The following CDH13 variants were observed in gnomAD, a reference collection of about 807,000 sequenced individuals.
CDH13 encodes the protein cadherin 13.
A neutral mutation model predicts 63.8 loss-of-function variants in CDH13; 24 were observed. That is an observed-to-expected ratio of 0.38 (90% CI 0.27 to 0.53). CDH13 has a LOEUF of 0.53. CDH13 is among the 20% of genes least tolerant of loss of function. The pLI is 0.85. For missense variants in CDH13, 1,049 were observed against 903.1 expected, an observed-to-expected ratio of 1.16 and a Z score of -2.07; for synonymous variants, 503 against 355.3, an observed-to-expected ratio of 1.42 and a Z score of -4.67.
chr16:82,681,102 A>C lies in CDH13; in HGVS notation c.45+53965A>C, dbSNP rs992801234. 8.5e-5 allele frequency among the ~76,000 whole-genome samples: 13 copies of C among 152,230 alleles called. 1 individual carries two copies. Among genetic ancestry groups the C allele is most frequent in the African/African-American group, 3.1e-4 (13 of 41,474 alleles). On this transcript the variant is annotated intron_variant, in intron 1 of 13. Coordinates refer to ENST00000567109, the MANE Select transcript of CDH13 (RefSeq NM_001257.5). ...GCCCAGCACTATCAGCAATCTGCAA[A>C]AAGATATTCTTGGGAAGACTCTGGT...
intron 7 of CDH13, among the ~76,000 whole-genome samples, chr16:83,507,165 C>G (rs1173190112): frequency 6.6e-6 from 1 of 152,212 alleles, no homozygotes; most frequent in Admixed American, 6.5e-5. Context: ...TTGCATGACT[C>G]AATCCCTCTT....
Position 82,644,326 on chromosome 16 carries a change from C to T in CDH13, c.45+17189C>T, listed in dbSNP as rs528701017. On this transcript the variant is annotated intron_variant, in intron 1 of 13. Coordinates refer to ENST00000567109, the MANE Select transcript of CDH13 (RefSeq NM_001257.5). The surrounding 1 kb of genome is among the most constrained non-coding windows in gnomAD (Gnocchi z 5.7). ...CAAATCAAGGCCCCCCGAACTCCTC[C>T]CACCCCTGCCTTCTGCGTCTCCCTC... Among the ~76,000 whole-genome samples the T allele has an allele frequency of 6.6e-6, 1 of 152,182 alleles. No individual in the cohort carries two copies. Among genetic ancestry groups the T allele is most frequent in the Non-Finnish European group, 1.5e-5 (1 of 68,004 alleles).
chr16:82,663,246 G>A (rs1430758492), intron 1 of CDH13, among the ~76,000 whole-genome samples: 1 of 152,166 alleles, frequency 6.6e-6, no homozygotes, highest in Non-Finnish European at 1.5e-5. Context: ...GAGTGCAATG[G>A]CGCGATCTCG....
chr16:83,687,573 T>C (rs1904435415), intron 10 of CDH13, among the ~76,000 whole-genome samples: 1 of 152,226 alleles, frequency 6.6e-6, no homozygotes, highest in Non-Finnish European at 1.5e-5. Flanking sequence ...TTGGAGATTA[T>C]ATTTCAGTAT....
chr16:83,365,517 T>C lies in CDH13; in HGVS notation c.781+20511T>C, dbSNP rs2091242743. ...AATCATCCAACTGTTGTAGGCCAAA[T>C]GTTGGCCCCATGATCTCCACCTCCT... On this transcript the variant is annotated intron_variant, in intron 6 of 13. Coordinates refer to ENST00000567109, the MANE Select transcript of CDH13 (RefSeq NM_001257.5). 3.3e-5 allele frequency among the ~76,000 whole-genome samples: 5 copies of C among 152,170 alleles called. No individual in the cohort carries two copies. The South Asian group carries it at 1.0e-3, about 32-fold the overall frequency.
At chr16:83,737,518 T>G (rs186895277) in intron 10 of CDH13, among the ~76,000 whole-genome samples, 2,154 of 152,280 alleles carry the variant, frequency 0.014, 40 homozygotes, top group African/African-American at 0.046. Flanking sequence ...TCTTTTTTTT[T>G]TGGGAAATAT....
intron 1 of CDH13, among the ~76,000 whole-genome samples, chr16:82,669,530 G>T (rs1034395918): frequency 8.5e-5 from 13 of 152,084 alleles, no homozygotes; most frequent in Admixed American, 8.5e-4. Context: ...CCAGTCCTTG[G>T]AATTAATTTG....
chr16:83,767,640 C>T (rs548536094), intron 11 of CDH13, among the ~76,000 whole-genome samples: 89 of 152,270 alleles, frequency 5.8e-4, no homozygotes, highest in African/African-American at 2.1e-3. Flanking sequence ...CATGGTCTAT[C>T]CATACAATGG....
chr16:83,426,600 G>A lies in CDH13; in HGVS notation c.782-59877G>A, dbSNP rs148587415. On this transcript the variant is annotated intron_variant, in intron 6 of 13. Transcript: ENST00000567109. The stretch of plus-strand genomic sequence containing the variant: ...GCCTCCTGGACTGAACAGTCTAGAA[G>A]AGGGATCCAACATGGACTGGAAGAG... Among the ~76,000 whole-genome samples the A allele has an allele frequency of 2.6e-5, 4 of 152,108 alleles. No individual in the cohort carries two copies. In the East Asian group the frequency reaches 7.7e-4, roughly 29 times the overall value.
intron 2 of CDH13, chr16:82,953,112 A>T (rs541961261): frequency 6.6e-6 from 1 of 152,268 alleles, no homozygotes; most frequent in African/African-American, 2.4e-5. Context: ...CTCATAGACT[A>T]TGATCTTTTG....
intron 11 of CDH13, among the ~76,000 whole-genome samples, chr16:83,749,008 T>C (rs141957978): frequency 4.6e-5 from 7 of 152,278 alleles, no homozygotes; most frequent in Admixed American, 1.3e-4. Flanking sequence ...AGAGAGTTCC[T>C]ATATACTTTG....
intron 8 of CDH13, among the ~76,000 whole-genome samples, chr16:83,645,666 A>G (rs1456354221): frequency 2.6e-5 from 4 of 151,816 alleles, no homozygotes; most frequent in Admixed American, 1.3e-4. Flanking sequence ...TCCTTCTCCA[A>G]TCACCAGAGC....
intron 1 of CDH13, chr16:82,704,959 C>G (rs1346778509): frequency 5.7e-6 from 2 of 350,780 alleles, no homozygotes; most frequent in Non-Finnish European, 1.1e-5. Flanking sequence ...CTAAGGCAGA[C>G]TTGGGAGACA....
At chr16:83,597,174 G>A (rs1184208919) in intron 7 of CDH13, among the ~76,000 whole-genome samples, 1 of 152,064 alleles carries the variant, frequency 6.6e-6, no homozygotes, top group Non-Finnish European at 1.5e-5. Flanking sequence ...AGTGAGCTGT[G>A]ATCATGCCAC....
intron 6 of CDH13, among the ~76,000 whole-genome samples, chr16:83,406,855 T>G (rs572127453): frequency 6.6e-6 from 1 of 152,374 alleles, no homozygotes; most frequent in East Asian, 1.9e-4. Context: ...TAGCAGAATC[T>G]ACCTCAATAG....
chr16:83,379,938 T>TATAGAGAGAGAGAGAGAG, intron 6 of CDH13, among the ~76,000 whole-genome samples: 1 of 123,454 alleles, frequency 8.1e-6, no homozygotes, highest in Non-Finnish European at 1.6e-5. Context: ...TATATATATA[T>TATAGAGAGAGAGAGAGAG]AGAGAGAGAG....
At chr16:83,383,945 C>T (rs2091621240) in intron 6 of CDH13, among the ~76,000 whole-genome samples, 1 of 152,110 alleles carries the variant, frequency 6.6e-6, no homozygotes, top group Admixed American at 6.5e-5. Context: ...TACAGACACA[C>T]ACATATACAT....
At chr16:83,144,332 G>A (rs1048720771) in intron 4 of CDH13, among the ~76,000 whole-genome samples, 6 of 152,138 alleles carry the variant, frequency 3.9e-5, no homozygotes, top group African/African-American at 1.4e-4. Flanking sequence ...TAACCAATAT[G>A]CTACTGTATT....
intron 2 of CDH13, among the ~76,000 whole-genome samples, chr16:82,940,957 C>T (rs1210728644): frequency 6.6e-6 from 1 of 152,152 alleles, no homozygotes; most frequent in Non-Finnish European, 1.5e-5. Context: ...TGCTGTAGTG[C>T]AACTCATCCC....
Sources: allele counts gnomAD v4.1 joint callset (sites outside exome capture counted in the v4.1 genomes callset), GRCh38; gene constraint gnomAD v4.1.1; non-coding constraint Gnocchi (gnomAD v3.1); transcripts MANE v1.5; gene names NCBI Gene and HGNC (gene_info 2026-07-23, HGNC 2026-07-21).